The following OXR1 variants were observed in gnomAD, a reference collection of about 807,000 sequenced individuals.
The protein encoded by OXR1 is oxidation resistance 1, also known as oxidation resistance protein 1.
OXR1 carries 41 observed loss-of-function variants against 104.6 expected under a neutral mutation model. That is an observed-to-expected ratio of 0.39 (90% CI 0.31 to 0.51). The LOEUF is 0.51. OXR1 is among the 20% of genes least tolerant of loss of function. The pLI is 0.77. For synonymous variants in OXR1, 348 were observed against 348.4 expected, an observed-to-expected ratio of 1.00 and a Z score of 0.01; for missense variants, 955 against 1,031.9, an observed-to-expected ratio of 0.93 and a Z score of 1.02.
intron 3 of OXR1, among the ~76,000 whole-genome samples, chr8:106,533,616 T>C (rs771238674): frequency 1.2e-4 from 19 of 152,032 alleles, no homozygotes; most frequent in Admixed American, 2.6e-4. Context: ...TTGGGACTTA[T>C]AGAAGTCTTA....
intron 3 of OXR1, among the ~76,000 whole-genome samples, chr8:106,633,105 T>C (rs1309236914): frequency 6.6e-6 from 1 of 150,604 alleles, no homozygotes; most frequent in East Asian, 2.0e-4. Context: ...TGGTGGCAGG[T>C]GCCTGTAATC....
At chr8:106,566,670 C>G (rs773106520) in intron 3 of OXR1, among the ~76,000 whole-genome samples, 2 of 152,138 alleles carry the variant, frequency 1.3e-5, no homozygotes, top group Non-Finnish European at 2.9e-5. Flanking sequence ...CACATGCACA[C>G]GCATGTTTAT....
intron 2 of OXR1, among the ~76,000 whole-genome samples, chr8:106,443,774 T>C (rs182630427): frequency 1.3e-5 from 2 of 152,262 alleles, no homozygotes; most frequent in South Asian, 2.1e-4. Context: ...ATTCAGGACA[T>C]AGGCATGGGC....
At chr8:106,587,077 A>G (rs1043191591) in intron 3 of OXR1, among the ~76,000 whole-genome samples, 3 of 152,178 alleles carry the variant, frequency 2.0e-5, no homozygotes, top group African/African-American at 4.8e-5. Context: ...GAGTATTTTT[A>G]TGTGGATTAA....
chr8:106,658,110 G>A lies in OXR1; in HGVS notation c.221-21100G>A, dbSNP rs1430413281. On this transcript the variant is annotated intron_variant, in intron 3 of 16. Coordinates refer to ENST00000517566, the MANE Select transcript of OXR1 (RefSeq NM_001198533.2). ...GGTGCGCTTCGAAGATTACCTGAGGGAGCCAGCCCAGGGGGACCTCGGGTG... is the reference window on the plus strand; with the variant it reads ...GGTGCGCTTCGAAGATTACCTGAGGAAGCCAGCCCAGGGGGACCTCGGGTG... 4.0e-6 allele frequency: 5 copies of A among 1,247,528 alleles called. No individual in the cohort carries two copies. The African/African-American group carries it at 6.2e-5, about 15-fold the overall frequency. 77.3% of individuals were successfully genotyped at this position (1,247,528 alleles called of 1,614,324 possible). A position where few individuals can be genotyped will look rare whatever the true frequency, so the allele number is the denominator to read the frequency against.
At chr8:106,666,670 T>G (rs1287914766) in intron 3 of OXR1, among the ~76,000 whole-genome samples, 1 of 152,116 alleles carries the variant, frequency 6.6e-6, no homozygotes, top group Non-Finnish European at 1.5e-5. Flanking sequence ...ATAAGGGGTA[T>G]TATGGTGAAA....
At chr8:106,644,367 TAATC>T (rs1386493533) in intron 3 of OXR1, among the ~76,000 whole-genome samples, 1 of 152,212 alleles carries the variant, frequency 6.6e-6, no homozygotes, top group Non-Finnish European at 1.5e-5. Context: ...AAATGTAACT[TAATC>T]ATTTGCAAAA....
At chr8:106,487,687 C>T in intron 2 of OXR1, among the ~76,000 whole-genome samples, 1 of 144,206 alleles carries the variant, frequency 6.9e-6, no homozygotes, top group African/African-American at 2.6e-5. Flanking sequence ...GTTTTTTGTT[C>T]TTGCGATAGT....
intron 2 of OXR1, among the ~76,000 whole-genome samples, chr8:106,407,679 C>T (rs993283598): frequency 5.3e-5 from 8 of 152,138 alleles, no homozygotes; most frequent in African/African-American, 1.7e-4. Flanking sequence ...CTGTCTGAAA[C>T]ATGTGATGGA....
chr8:106,519,151 A>G lies in OXR1; in HGVS notation c.220+12A>G. The G allele has an allele frequency of 3.9e-6, 6 of 1,535,266 alleles. No homozygotes were observed. The highest frequency in any genetic ancestry group is 5.3e-6 in the Non-Finnish European group (6 of 1,132,732). On this transcript the variant is annotated intron_variant, in intron 3 of 16. Transcript: ENST00000517566. ...GTTCTACACAATTGGTGAGCACCAG[A>G]TGTTTTATGCAAGTGAATAGATGAA...
chr8:106,697,969 T>C (rs537095000), intron 7 of OXR1: 1 of 1,612,934 alleles, frequency 6.2e-7, no homozygotes, highest in African/African-American at 1.3e-5. Flanking sequence ...AATCTTCTGC[T>C]GCACCTCCTG....
intron 2 of OXR1, among the ~76,000 whole-genome samples, chr8:106,489,468 G>A (rs1227879822): frequency 6.6e-6 from 1 of 152,066 alleles, no homozygotes; most frequent in Non-Finnish European, 1.5e-5. Flanking sequence ...ACTATGATAT[G>A]TGCCAAAAAT....
chr8:106,615,431 CAA>C (rs1289895066), intron 3 of OXR1, among the ~76,000 whole-genome samples: 1 of 138,928 alleles, frequency 7.2e-6, no homozygotes, highest in African/African-American at 2.6e-5. Flanking sequence ...GACTCCGTCT[CAA>C]AAAAAAAAAG....
chr8:106,454,141 A>G (rs1198615044), intron 2 of OXR1, among the ~76,000 whole-genome samples: 1 of 152,174 alleles, frequency 6.6e-6, no homozygotes, highest in Non-Finnish European at 1.5e-5. Context: ...TCTACCTGCA[A>G]ATCATTGAGA....
intron 2 of OXR1, among the ~76,000 whole-genome samples, chr8:106,379,537 C>A (rs372229638): frequency 2.8e-5 from 3 of 108,380 alleles, no homozygotes; most frequent in Non-Finnish European, 5.4e-5. Flanking sequence ...TTCTTTCTTT[C>A]TTTTTTTTTT....
At chr8:106,308,570 G>A (rs976580893) in intron 1 of OXR1, among the ~76,000 whole-genome samples, 2 of 152,162 alleles carry the variant, frequency 1.3e-5, no homozygotes, top group African/African-American at 4.8e-5. Flanking sequence ...TGCCTTCCCT[G>A]TGTATTAGCT....
At chr8:106,279,125 G>A (rs1233869837) in intron 1 of OXR1, among the ~76,000 whole-genome samples, 1 of 152,156 alleles carries the variant, frequency 6.6e-6, no homozygotes, top group Admixed American at 6.5e-5. Flanking sequence ...TATCATTGAA[G>A]TGAGATTTTT....
intron 3 of OXR1, among the ~76,000 whole-genome samples, chr8:106,524,603 G>A (rs1055265076): frequency 2.6e-5 from 4 of 152,210 alleles, no homozygotes; most frequent in African/African-American, 9.6e-5. Context: ...CTGTGTGAAG[G>A]CCTCATAGAA....
intron 2 of OXR1, among the ~76,000 whole-genome samples, chr8:106,504,792 A>G (rs762453910): frequency 6.6e-5 from 10 of 152,214 alleles, no homozygotes; most frequent in Admixed American, 2.0e-4. Flanking sequence ...CATAATTTCT[A>G]TCAGTCATGC....
Sources: allele counts gnomAD v4.1 joint callset (sites outside exome capture counted in the v4.1 genomes callset), GRCh38; gene constraint gnomAD v4.1.1; transcripts MANE v1.5; gene names NCBI Gene and HGNC (gene_info 2026-07-23, HGNC 2026-07-21).